RAPGEF4: variants seen among roughly 807,000 people sequenced by gnomAD.
RAPGEF4 encodes Rap guanine nucleotide exchange factor 4.
A neutral mutation model predicts 147.9 loss-of-function variants in RAPGEF4; 66 were observed. The observed-to-expected ratio is 0.45, with a 90% CI of 0.37 to 0.55. The LOEUF is 0.55. Among genes scored for constraint, RAPGEF4 ranks in the 20% least tolerant of loss-of-function variants. RAPGEF4 has a pLI of 0.00. For missense variants in RAPGEF4, 1,071 were observed against 1,257.3 expected (o/e 0.85, Z 2.24); for synonymous variants, 419 against 442.7 (o/e 0.95, Z 0.67).
intron 1 of RAPGEF4, among the ~76,000 whole-genome samples, chr2:172,764,951 C>A (rs1014427768): frequency 6.6e-6 from 1 of 152,146 alleles, no homozygotes; most frequent in Non-Finnish European, 1.5e-5. Context: ...AAACAAAGTA[C>A]CACAAACTGG....
chr2:172,929,836 T>TCTTA (rs1436126048), intron 6 of RAPGEF4, among the ~76,000 whole-genome samples: 1 of 152,142 alleles, frequency 6.6e-6, no homozygotes, highest in Non-Finnish European at 1.5e-5. Context: ...ATTTAGGAGC[T>TCTTA]CTTAGGGTTT....
chr2:172,852,415 TTAC>T (rs1225234681), intron 4 of RAPGEF4, among the ~76,000 whole-genome samples: 1 of 152,192 alleles, frequency 6.6e-6, no homozygotes, highest in Non-Finnish European at 1.5e-5. Flanking sequence ...TTGTTTAACT[TTAC>T]TTAACTCTTA....
intron 15 of RAPGEF4, among the ~76,000 whole-genome samples, chr2:172,992,753 C>A (rs1366973490): frequency 6.6e-6 from 1 of 152,212 alleles, no homozygotes. Flanking sequence ...CAAATTTCTT[C>A]CGCAATTCAA....
chr2:172,844,348 G>A (rs1691944336), intron 4 of RAPGEF4, among the ~76,000 whole-genome samples: 1 of 152,198 alleles, frequency 6.6e-6, no homozygotes, highest in South Asian at 2.1e-4. Flanking sequence ...TGGCTTTCAG[G>A]TGCCACTTGG....
At chr2:172,892,359 T>A (rs1027516320) in intron 4 of RAPGEF4, among the ~76,000 whole-genome samples, 1 of 152,208 alleles carries the variant, frequency 6.6e-6, no homozygotes, top group Non-Finnish European at 1.5e-5. Context: ...CCTTTCCTTA[T>A]CAATAGTTGA....
At chr2:172,863,989 A>G (rs2149787049) in intron 4 of RAPGEF4, among the ~76,000 whole-genome samples, 1 of 152,314 alleles carries the variant, frequency 6.6e-6, no homozygotes, top group South Asian at 2.1e-4. Flanking sequence ...GATAGAAAAT[A>G]TTTTGAATGC....
chr2:172,790,961 G>A (rs913827016), intron 1 of RAPGEF4, among the ~76,000 whole-genome samples: 1 of 152,188 alleles, frequency 6.6e-6, no homozygotes, highest in African/African-American at 2.4e-5. Flanking sequence ...TGGAGGCTGG[G>A]AAGTCCAGTA....
chr2:172,888,620 A>G (rs1311308473), intron 4 of RAPGEF4, among the ~76,000 whole-genome samples: 1 of 152,260 alleles, frequency 6.6e-6, no homozygotes, highest in Non-Finnish European at 1.5e-5. Context: ...AATAATAAGG[A>G]TAATTCTCAG....
In RAPGEF4 at chr2:173,030,235, G is replaced by C; in HGVS notation, c.2630G>C (p.Arg877Pro). 6.2e-7 allele frequency: 1 copy of C among 1,612,934 alleles called. No homozygotes were observed. The highest frequency in any genetic ancestry group is 8.5e-7 in the Non-Finnish European group (1 of 1,178,966). ...GGACTAAGTAACGTTGCTGTGAGCC[G>C]CTTGGCACTAACGTGGGAGGTAAGC... ...VMGLSNVAVSRLALTWEKLPS... is the reference protein window; with the variant it reads ...VMGLSNVAVSPLALTWEKLPS... Residue 877 changes from arginine (R) to proline (P), a missense_variant, in exon 26 of 31, where the codon CGC (arginine) becomes CCC (proline). By Grantham distance (103) the Arg-to-Pro change is moderately radical (BLOSUM62 -2). Coordinates refer to ENST00000397081, the MANE Select transcript of RAPGEF4 (RefSeq NM_007023.4).
chr2:173,004,892 A>AAT (rs1029953164), intron 17 of RAPGEF4, among the ~76,000 whole-genome samples: 14 of 152,062 alleles, frequency 9.2e-5, no homozygotes, highest in Admixed American at 2.0e-4. Context: ...TTTCCAAACT[A>AAT]ATATATATAT....
Position 172,989,663 on chromosome 2 carries a change from C to T in RAPGEF4, c.1374+824C>T, listed in dbSNP as rs560054398. Reference sequence around the variant, plus strand: ...GATCATGGACTTTTAGGGATGGTGACGATGTCCCACCACCCGTGGCTTCTC... The same window carrying T: ...GATCATGGACTTTTAGGGATGGTGATGATGTCCCACCACCCGTGGCTTCTC... On this transcript the variant is annotated intron_variant, in intron 14 of 30. Transcript: ENST00000397081. Among the ~76,000 whole-genome samples, 7 of 152,266 alleles carry T rather than the reference C, an allele frequency of 4.6e-5. No individual in the cohort carries two copies. The South Asian group carries it at 8.3e-4, about 18-fold the overall frequency.
At chr2:173,037,044 G>A (rs1030585611) in intron 29 of RAPGEF4, among the ~76,000 whole-genome samples, 6 of 152,168 alleles carry the variant, frequency 3.9e-5, no homozygotes, top group African/African-American at 1.4e-4. Context: ...CCTTTGAAAG[G>A]TTTATCTGCC....
intron 30 of RAPGEF4, among the ~76,000 whole-genome samples, chr2:173,049,511 C>T (rs116155094): frequency 8.5e-5 from 13 of 152,304 alleles, no homozygotes; most frequent in Middle Eastern, 3.4e-3. Flanking sequence ...CTACCAGTAC[C>T]GTCTCCTCCA....
chr2:172,920,027 ATCT>A (rs1559120806), intron 5 of RAPGEF4, among the ~76,000 whole-genome samples: 1 of 152,012 alleles, frequency 6.6e-6, no homozygotes, highest in African/African-American at 2.4e-5. Flanking sequence ...AACCTTCACT[ATCT>A]CACCCTTGGT....
chr2:173,035,280 G>A (rs528340942), intron 27 of RAPGEF4, among the ~76,000 whole-genome samples: 247 of 151,872 alleles, frequency 1.6e-3, no homozygotes, highest in African/African-American at 4.5e-3. Context: ...AGGCCGAGGC[G>A]GGCAGATCAC....
At chr2:172,942,878 AC>A (rs1687310484) in intron 6 of RAPGEF4, among the ~76,000 whole-genome samples, 1 of 152,150 alleles carries the variant, frequency 6.6e-6, no homozygotes, top group Non-Finnish European at 1.5e-5. Flanking sequence ...CCATCTTCAT[AC>A]TTGGGCATGT....
At chr2:172,939,546 A>G (rs375150683) in intron 6 of RAPGEF4, among the ~76,000 whole-genome samples, 1 of 152,162 alleles carries the variant, frequency 6.6e-6, no homozygotes, top group African/African-American at 2.4e-5. Context: ...CCTTTATCAG[A>G]TATGAGTTTT....
At chr2:173,013,158 G>A (rs1392835549) in intron 17 of RAPGEF4, among the ~76,000 whole-genome samples, 1 of 152,136 alleles carries the variant, frequency 6.6e-6, no homozygotes, top group African/African-American at 2.4e-5. Context: ...ATTATTTATA[G>A]TCCTTTTAGA....
intron 1 of RAPGEF4, among the ~76,000 whole-genome samples, chr2:172,745,505 A>G (rs941455648): frequency 6.6e-6 from 1 of 151,946 alleles, no homozygotes; most frequent in Non-Finnish European, 1.5e-5. Flanking sequence ...TTAATATTTT[A>G]AAAGAAACAA....
Sources: allele counts gnomAD v4.1 joint callset (sites outside exome capture counted in the v4.1 genomes callset), GRCh38; gene constraint gnomAD v4.1.1; transcripts MANE v1.5; gene names NCBI Gene and HGNC (gene_info 2026-07-23, HGNC 2026-07-21).